Variants in LRRC61 observed in about 807,000 individuals in gnomAD.
LRRC61 encodes the protein leucine rich repeat containing 61, also known as leucine-rich repeat-containing protein 61.
In LRRC61, 9 loss-of-function variants were observed where a neutral mutation model predicts 15.1. That is an observed-to-expected ratio of 0.60 (90% confidence interval 0.36 to 1.04). LRRC61 has a LOEUF of 1.04. LRRC61 is among the 50% of genes least tolerant of loss of function. The probability of loss-of-function intolerance (pLI) is 0.01; values close to 1 mark genes in which losing one functional copy is unlikely to be tolerated. For missense variants in LRRC61, 344 were observed against 335.6 expected, an observed-to-expected ratio of 1.03 and a Z score of -0.20; for synonymous variants, 173 against 158.6, an observed-to-expected ratio of 1.09 and a Z score of -0.68.
At chr7:150,315,356 A>G in the LRRC61 span, among the ~76,000 whole-genome samples, 1 of 152,240 alleles carries the variant, frequency 6.6e-6, no homozygotes, top group East Asian at 1.9e-4. Context: ...TTCACAATCC[A>G]TATACCTGGA....
chr7:150,310,459 G>A, the LRRC61 span, among the ~76,000 whole-genome samples: 1 of 146,580 alleles, frequency 6.8e-6, no homozygotes, highest in Non-Finnish European at 1.5e-5. Context: ...TCCAGAAACC[G>A]GGCAAGTCCT....
chr7:150,317,870 T>C, the LRRC61 span, among the ~76,000 whole-genome samples: 1 of 151,932 alleles, frequency 6.6e-6, no homozygotes, highest in South Asian at 2.1e-4. Flanking sequence ...CAAGAACACA[T>C]CTGCAGTTGA....
At chr7:150,328,399 A>C (rs1798009552) in intron 2 of LRRC61, among the ~76,000 whole-genome samples, 1 of 152,240 alleles carries the variant, frequency 6.6e-6, no homozygotes, top group Non-Finnish European at 1.5e-5. Flanking sequence ...ACCCCAAAAA[A>C]ACATGGAGAA....
chr7:150,337,743 C>A lies in LRRC61; in HGVS notation c.*102C>A. 8.2e-7 allele frequency: 1 copy of A among 1,220,090 alleles called. No homozygotes were observed. Among genetic ancestry groups the A allele is most frequent in the Non-Finnish European group, 1.1e-6 (1 of 887,154 alleles). The allele number at this position is 1,220,090 out of a possible 1,614,324, so 75.6% of individuals were successfully genotyped here. The stretch of plus-strand genomic sequence containing the variant: ...TTAGTTGCTTCACACTGGTCACTGG[C>A]CCTGCACACTGGGCTATTGCTTTAT... On this transcript the variant is annotated 3_prime_UTR_variant, in exon 3 of 3. Transcript: ENST00000359623.
At chr7:150,312,780 C>T in the LRRC61 span, among the ~76,000 whole-genome samples, 1 of 152,178 alleles carries the variant, frequency 6.6e-6, no homozygotes. Context: ...TTCATCTTTT[C>T]TTATAACTTT....
the LRRC61 span, among the ~76,000 whole-genome samples, chr7:150,316,925 G>A: frequency 1.3e-5 from 2 of 151,908 alleles, no homozygotes; most frequent in Non-Finnish European, 2.9e-5. Context: ...ATTTATTTAG[G>A]TCTTCTTTTT....
In LRRC61 at chr7:150,333,103, G is replaced by A. The variant is rs1372017438; in HGVS notation, c.-144-3615G>A. On this transcript the variant is annotated intron_variant, in intron 2 of 2. Transcript: ENST00000359623. The surrounding 1 kb of genome is among the most constrained non-coding windows in gnomAD (Gnocchi z 4.3). ...TGTGGCTCTGCTGTGTGGCATCACCGAGCGGGCTCATGTTCTGGGAGAGGA... is the reference window on the plus strand; with the variant it reads ...TGTGGCTCTGCTGTGTGGCATCACCAAGCGGGCTCATGTTCTGGGAGAGGA... Among the ~76,000 whole-genome samples, 1 of 152,204 alleles carries A rather than the reference G, an allele frequency of 6.6e-6. No homozygotes were observed. The highest frequency in any genetic ancestry group is 2.4e-5 in the African/African-American group (1 of 41,456).
the LRRC61 span, among the ~76,000 whole-genome samples, chr7:150,309,820 A>G: frequency 6.6e-6 from 1 of 152,178 alleles, no homozygotes; most frequent in Non-Finnish European, 1.5e-5. Flanking sequence ...TTGCGGCTGA[A>G]GACTGATGCT....
In LRRC61 at chr7:150,328,276, A is replaced by G. The variant is rs887537992; in HGVS notation, c.-145+2266A>G. Among the ~76,000 whole-genome samples the G allele has an allele frequency of 8.5e-5, 13 of 152,362 alleles. No homozygotes were observed. In the South Asian group the frequency reaches 1.9e-3, roughly 22 times the overall value. On this transcript the variant is annotated intron_variant, in intron 2 of 2. Coordinates refer to ENST00000359623, the MANE Select transcript of LRRC61 (RefSeq NM_001142928.2). The stretch of plus-strand genomic sequence containing the variant: ...AGGATAGTTCAAAATCCCTACTTCA[A>G]TATGGGGGTCCCCCAAACTCATGTT...
chr7:150,331,001 T>C, intron 2 of LRRC61: 1 of 1,611,742 alleles, frequency 6.2e-7, no homozygotes, highest in South Asian at 1.1e-5. Context: ...TCAAGAAGTA[T>C]CTGTGGGAGA....
At position 150,325,964 on chromosome 7, in the gene LRRC61, A is replaced by ACCT. The variant is rs1797951814; in HGVS notation, c.-190_-188dup. 6.6e-6 allele frequency: 1 copy of ACCT among 152,624 alleles called. No homozygotes were observed. Among genetic ancestry groups the ACCT allele is most frequent in the Non-Finnish European group, 1.5e-5 (1 of 68,056 alleles). 9.5% of individuals were successfully genotyped at this position (152,624 alleles called of 1,614,324 possible). Reference sequence around the variant, plus strand: ...AGTGATGACACAAAATCCCAGATCTACCTGACGGGCCTGCGAGGGTTGAAG... The same window carrying ACCT: ...AGTGATGACACAAAATCCCAGATCTACCTCCTGACGGGCCTGCGAGGGTTGAAG... On this transcript the variant is annotated 5_prime_UTR_variant, in exon 2 of 3. An upstream open reading frame in the 5' UTR loses its in-frame stop. Coordinates refer to ENST00000359623, the MANE Select transcript of LRRC61 (RefSeq NM_001142928.2).
At chr7:150,323,208 C>T (rs1231564915), upstream of LRRC61, 7 of 235,122 alleles carry the variant, frequency 3.0e-5, no homozygotes, top group African/African-American at 1.4e-4. Flanking sequence ...ACTCAGGCAC[C>T]GCAGGTAGGA....
intron 2 of LRRC61, among the ~76,000 whole-genome samples, chr7:150,332,976 G>A (rs1462953404): frequency 6.6e-6 from 1 of 152,208 alleles, no homozygotes; most frequent in Non-Finnish European, 1.5e-5. Context: ...ATGTCGGGGC[G>A]GGGAGGATCC....
chr7:150,309,614 G>C, the LRRC61 span, among the ~76,000 whole-genome samples: 1 of 152,180 alleles, frequency 6.6e-6, no homozygotes, highest in Non-Finnish European at 1.5e-5. Context: ...TCCTCCTCAT[G>C]GACCTTGATT....
At chr7:150,315,995 C>T in the LRRC61 span, among the ~76,000 whole-genome samples, 3 of 152,132 alleles carry the variant, frequency 2.0e-5, no homozygotes, top group African/African-American at 4.8e-5. Flanking sequence ...GTCAGGAGTT[C>T]GAGACCAGCC....
chr7:150,333,532 C>T lies in LRRC61; in HGVS notation c.-144-3186C>T, dbSNP rs887928354. Reference sequence around the variant, plus strand: ...CTGCTCTGGGTTGAAGCGTTCCTCCCCCTAGACTTAGCTCTGCCCTGTGGG... The same window carrying T: ...CTGCTCTGGGTTGAAGCGTTCCTCCTCCTAGACTTAGCTCTGCCCTGTGGG... On this transcript the variant is annotated intron_variant, in intron 2 of 2. Coordinates refer to ENST00000359623, the MANE Select transcript of LRRC61 (RefSeq NM_001142928.2). This position sits in a 1 kb window ranked among gnomAD's most constrained non-coding sequence, Gnocchi z 4.3. Among the ~76,000 whole-genome samples the T allele has an allele frequency of 3.3e-5, 5 of 152,190 alleles. No homozygotes were observed. The highest frequency in any genetic ancestry group is 5.9e-5 in the Non-Finnish European group (4 of 68,028).
chr7:150,315,019 T>TATTATTAAATAATAA, the LRRC61 span, among the ~76,000 whole-genome samples: 1 of 138,784 alleles, frequency 7.2e-6, no homozygotes, highest in Non-Finnish European at 1.6e-5. Flanking sequence ...AATAATAAAA[T>TATTATTAAATAATAA]AATATTTATA....
At chr7:150,317,775 A>G in the LRRC61 span, among the ~76,000 whole-genome samples, 1 of 152,340 alleles carries the variant, frequency 6.6e-6, no homozygotes, top group East Asian at 1.9e-4. Context: ...TCTAGTTATT[A>G]TCCAGATGGA....
At chr7:150,321,519 C>T (rs537907896), upstream of LRRC61, among the ~76,000 whole-genome samples, 1 of 152,310 alleles carries the variant, frequency 6.6e-6, no homozygotes, top group African/African-American at 2.4e-5. Context: ...GCGGGCAGAT[C>T]ACTTGAAGTC....
Sources: allele counts gnomAD v4.1 joint callset (sites outside exome capture counted in the v4.1 genomes callset), GRCh38; gene constraint gnomAD v4.1.1; non-coding constraint Gnocchi (gnomAD v3.1); transcripts MANE v1.5; gene names NCBI Gene and HGNC (gene_info 2026-07-23, HGNC 2026-07-21).